RAB17: variants seen among roughly 807,000 people sequenced by gnomAD.
RAB17 encodes RAB17, member RAS oncogene family.
In RAB17, 15 loss-of-function variants were observed where a neutral mutation model predicts 19.3. The ratio of observed to expected loss-of-function variants is 0.78; its 90% CI spans 0.52 to 1.20. The LOEUF (loss-of-function observed/expected upper bound fraction) is 1.20. Ranked by LOEUF, RAB17 falls within the 50% of genes most tolerant of loss-of-function variation. RAB17 has a pLI of 0.00. For missense variants in RAB17, 262 were observed against 269.3 expected, an observed-to-expected ratio of 0.97 and a Z score of 0.19; for synonymous variants, 110 against 112.8, an observed-to-expected ratio of 0.97 and a Z score of 0.16.
intron 3 of RAB17, 62 bp downstream of exon 3, chr2:237,577,942 G>A: frequency 6.5e-7 from 1 of 1,533,406 alleles, no homozygotes; most frequent in South Asian, 1.2e-5. Flanking sequence ...TCATTGCACT[G>A]GAGAAACCAG....
chr2:237,574,606 C>T lies in RAB17; in HGVS notation c.*413G>A. 1 of 1,534,506 alleles carries T rather than the reference C, an allele frequency of 6.5e-7. No individual in the cohort carries two copies. Among genetic ancestry groups the T allele is most frequent in the Non-Finnish European group, 8.8e-7 (1 of 1,137,862 alleles). On this transcript the variant is annotated 3_prime_UTR_variant, in exon 6 of 6. Coordinates refer to ENST00000264601, the MANE Select transcript of RAB17 (RefSeq NM_022449.4). Reference sequence around the variant, plus strand: ...CTCCATCTGGCCTGCTCCCCAACCCCCCAGAAGCAGGTGGGCCCAGGCTCC... The same window carrying T: ...CTCCATCTGGCCTGCTCCCCAACCCTCCAGAAGCAGGTGGGCCCAGGCTCC...
intron 2 of RAB17, among the ~76,000 whole-genome samples, chr2:237,581,373 T>TAAA (rs78563937): frequency 5.7e-5 from 8 of 140,680 alleles, no homozygotes; most frequent in Non-Finnish European, 1.1e-4. Flanking sequence ...GACGCCATCT[T>TAAA]AAAAAAAAAA....
intron 1 of RAB17, among the ~76,000 whole-genome samples, chr2:237,589,828 A>AG (rs1408357747): frequency 1.3e-5 from 2 of 152,126 alleles, no homozygotes. Context: ...CTTCCACTAA[A>AG]GGGAAAAAAA....
intron 2 of RAB17, among the ~76,000 whole-genome samples, chr2:237,583,750 G>A (rs933977948): frequency 6.6e-6 from 1 of 152,204 alleles, no homozygotes; most frequent in African/African-American, 2.4e-5. Flanking sequence ...GAAAGGCAGA[G>A]CCCAGCCTGT....
rs751454231 is a variant in RAB17 at position 237,575,067 on chromosome 2, C to T, written c.591G>A (p.Val197=). 1.2e-6 allele frequency: 2 copies of T among 1,613,796 alleles called. No individual in the cohort carries two copies. The highest frequency in any genetic ancestry group is 1.1e-5 in the South Asian group (1 of 91,016). Residue 197 remains valine, a synonymous_variant, in exon 6 of 6, where the codon GTG becomes GTA. Transcript: ENST00000264601. ...GCCTCGCGGGCCCCTTGTTCAGAGCCACAGCTGCATCCCCCCGTAGAGCCT... is the reference window on the plus strand; with the variant it reads ...GCCTCGCGGGCCCCTTGTTCAGAGCTACAGCTGCATCCCCCCGTAGAGCCT... The part of the protein sequence containing the change: ...EGQALRGDAA[V]ALNKGPARQA...
intron 2 of RAB17, among the ~76,000 whole-genome samples, chr2:237,582,090 G>A (rs928612422): frequency 2.7e-5 from 4 of 150,424 alleles, no homozygotes; most frequent in South Asian, 2.1e-4. Flanking sequence ...TTGGACTCCC[G>A]TCCCTCGGAC....
Position 237,574,690 on chromosome 2 carries a change from G to C in RAB17, c.*329C>G. The C allele has an allele frequency of 7.0e-7, 1 of 1,433,822 alleles. No individual in the cohort carries two copies. Among genetic ancestry groups the C allele is most frequent in the Non-Finnish European group, 9.1e-7 (1 of 1,093,838 alleles). 88.8% of individuals were successfully genotyped at this position (1,433,822 alleles called of 1,614,324 possible). A position where few individuals can be genotyped will look rare whatever the true frequency, so the allele number is the denominator to read the frequency against. ...CATCTTCCCACCGTCGCTGTGCTGC[G>C]GGGACTTTTCCAATCCTTCCTTCCT... On this transcript the variant is annotated 3_prime_UTR_variant, in exon 6 of 6. Coordinates refer to ENST00000264601, the MANE Select transcript of RAB17 (RefSeq NM_022449.4).
rs6766 is a variant in RAB17, at chr2:237,574,521, T to C, written c.*498A>G. The C allele has an allele frequency of 0.3, 468,449 of 1,549,874 alleles. 81,378 individuals are homozygous for C. Among genetic ancestry groups the C allele is most frequent in the African/African-American group, 0.78 (57,026 of 73,016 alleles). Reference sequence around the variant, plus strand: ...TCCCAGGGGCAACTTCACCAAGATGTGGAAATCCTGGGCCCACCCCACAGT... The same window carrying C: ...TCCCAGGGGCAACTTCACCAAGATGCGGAAATCCTGGGCCCACCCCACAGT... On this transcript the variant is annotated 3_prime_UTR_variant, in exon 6 of 6. Transcript: ENST00000264601.
intron 1 of RAB17, among the ~76,000 whole-genome samples, chr2:237,589,094 C>T (rs1344987902): frequency 2.0e-5 from 3 of 152,074 alleles, no homozygotes; most frequent in East Asian, 1.9e-4. Flanking sequence ...GTGGCACACG[C>T]TTGTAATCCC....
Position 237,574,664 on chromosome 2 carries a change from G to A in RAB17, c.*355C>T. 1 of 1,463,832 alleles carries A rather than the reference G, an allele frequency of 6.8e-7. No homozygotes were observed. Among genetic ancestry groups the A allele is most frequent in the Non-Finnish European group, 9.0e-7 (1 of 1,105,440 alleles). The allele number at this position is 1,463,832 out of a possible 1,614,324, so 90.7% of individuals were successfully genotyped here. A position where few individuals can be genotyped will look rare whatever the true frequency, so the allele number is the denominator to read the frequency against. On this transcript the variant is annotated 3_prime_UTR_variant, in exon 6 of 6. Coordinates refer to ENST00000264601, the MANE Select transcript of RAB17 (RefSeq NM_022449.4). ...TGCCCCCATCAAGATCAGACGTAAG[G>A]CATCTTCCCACCGTCGCTGTGCTGC...
intron 4 of RAB17, chr2:237,576,562 G>A (rs780674589): frequency 4.2e-6 from 2 of 471,044 alleles, no homozygotes; most frequent in South Asian, 1.5e-5. Flanking sequence ...TGAAGCTGGG[G>A]CCTTTTCTCT....
At chr2:237,590,052 T>C (rs546511584) in intron 1 of RAB17, among the ~76,000 whole-genome samples, 2 of 152,270 alleles carry the variant, frequency 1.3e-5, no homozygotes, top group African/African-American at 4.8e-5. Context: ...AAAAGGAGTT[T>C]ACAAGAAAAC....
chr2:237,586,134 G>C lies in RAB17; in HGVS notation c.21C>G (p.Thr7=), dbSNP rs1259801444. The C allele has an allele frequency of 6.2e-7, 1 of 1,604,306 alleles. No homozygotes were observed. Among genetic ancestry groups the C allele is most frequent in the South Asian group, 1.1e-5 (1 of 89,606 alleles). The part of the protein sequence containing the change: MAQAHR[T]PQPRAAPSQP... The stretch of plus-strand genomic sequence containing the variant: ...GGCTGGGGGCAGCCCTGGGCTGGGG[G>C]GTCCTGTGTGCCTGTGCCATGCCCT... Residue 7 remains threonine, a synonymous_variant, in exon 2 of 6, where the codon ACC becomes ACG. Coordinates refer to ENST00000264601, the MANE Select transcript of RAB17 (RefSeq NM_022449.4).
At chr2:237,583,684 G>A (rs573828916) in intron 2 of RAB17, among the ~76,000 whole-genome samples, 6 of 152,164 alleles carry the variant, frequency 3.9e-5, no homozygotes, top group East Asian at 3.9e-4. Context: ...CTCCCACCCC[G>A]GCCCCATCAC....
intron 2 of RAB17, among the ~76,000 whole-genome samples, chr2:237,584,702 G>T (rs1184881562): frequency 6.6e-6 from 1 of 152,140 alleles, no homozygotes; most frequent in Non-Finnish European, 1.5e-5. Flanking sequence ...CAGCCACCCA[G>T]GTACAAAGCT....
At chr2:237,581,446 G>A (rs1461847620) in intron 2 of RAB17, among the ~76,000 whole-genome samples, 2 of 151,364 alleles carry the variant, frequency 1.3e-5, no homozygotes, top group East Asian at 1.9e-4. Context: ...GTAGAGACAC[G>A]GTTTCACCAT....
rs1203198223 is a variant in RAB17 at position 237,574,524 on chromosome 2, A to G, written c.*495T>C. The stretch of plus-strand genomic sequence containing the variant: ...CAGGGGCAACTTCACCAAGATGTGG[A>G]AATCCTGGGCCCACCCCACAGTCAG... On this transcript the variant is annotated 3_prime_UTR_variant, in exon 6 of 6. Transcript: ENST00000264601. 3 of 1,550,188 alleles carry G rather than the reference A, an allele frequency of 1.9e-6. No individual in the cohort carries two copies. The highest frequency in any genetic ancestry group is 2.6e-6 in the Non-Finnish European group (3 of 1,146,858).
chr2:237,583,199 A>C (rs746260797), intron 2 of RAB17, among the ~76,000 whole-genome samples: 1 of 152,190 alleles, frequency 6.6e-6, no homozygotes, highest in Non-Finnish European at 1.5e-5. Context: ...TTAGCTGGCT[A>C]TGGTGGTGCG....
chr2:237,589,459 G>A (rs1020826599), intron 1 of RAB17, among the ~76,000 whole-genome samples: 6 of 152,112 alleles, frequency 3.9e-5, no homozygotes, highest in African/African-American at 1.4e-4. Context: ...ATGTTTAATG[G>A]ACATATAACA....
Sources: gnomAD v4.1 joint callset for allele counts (sites outside exome capture counted in the v4.1 genomes callset) on GRCh38, gnomAD v4.1.1 for gene constraint, MANE v1.5 for transcripts, NCBI Gene and HGNC (gene_info 2026-07-23, HGNC 2026-07-21) for gene names.